Variants in NRG3 observed in about 807,000 individuals in gnomAD.
The protein encoded by NRG3 is pro-neuregulin-3, membrane-bound isoform.
NRG3 carries 31 observed loss-of-function variants against 66.9 expected under a neutral mutation model. The ratio of observed to expected loss-of-function variants is 0.46; its 90% CI spans 0.35 to 0.63. The LOEUF (loss-of-function observed/expected upper bound fraction) is 0.63. Among genes scored for constraint, NRG3 ranks in the 20% least tolerant of loss-of-function variants. The pLI is 0.00. For synonymous variants in NRG3, 393 were observed against 359.4 expected (o/e 1.09, Z -1.06); for missense variants, 910 against 878.9 (o/e 1.04, Z -0.45).
intron 2 of NRG3, among the ~76,000 whole-genome samples, chr10:82,395,926 G>T (rs2086686424): frequency 6.6e-6 from 1 of 152,084 alleles, no homozygotes; most frequent in Non-Finnish European, 1.5e-5. Flanking sequence ...AAAATAGAAA[G>T]ACTAATATTT....
intron 2 of NRG3, among the ~76,000 whole-genome samples, chr10:82,544,902 C>A (rs77495974): frequency 3.3e-4 from 50 of 152,190 alleles, no homozygotes; most frequent in African/African-American, 1.2e-3. Context: ...ATATTACTTT[C>A]GTACCTACCA....
At chr10:82,388,399 A>G (rs1304288890) in intron 2 of NRG3, among the ~76,000 whole-genome samples, 2 of 152,206 alleles carry the variant, frequency 1.3e-5, no homozygotes, top group African/African-American at 4.8e-5. Context: ...TACATCTGAG[A>G]AACTAGAAGT....
chr10:82,386,738 T>C (rs1206873082), intron 2 of NRG3, among the ~76,000 whole-genome samples: 1 of 152,182 alleles, frequency 6.6e-6, no homozygotes, highest in African/African-American at 2.4e-5. Context: ...TTGGAGGCTG[T>C]TATTCTAAAC....
intron 2 of NRG3, among the ~76,000 whole-genome samples, chr10:82,607,453 T>C (rs2048036373): frequency 6.6e-6 from 1 of 151,842 alleles, no homozygotes; most frequent in Non-Finnish European, 1.5e-5. Flanking sequence ...TCCATTCTTT[T>C]ACTTTTACTC....
intron 1 of NRG3, among the ~76,000 whole-genome samples, chr10:82,077,155 C>T (rs2133375890): frequency 6.6e-6 from 1 of 152,322 alleles, no homozygotes; most frequent in East Asian, 1.9e-4. Context: ...CATGAACACA[C>T]ATCAGCCATT....
At chr10:81,937,298 T>C (rs1847965307) in intron 1 of NRG3, among the ~76,000 whole-genome samples, 1 of 152,142 alleles carries the variant, frequency 6.6e-6, no homozygotes, top group Admixed American at 6.6e-5. Flanking sequence ...TACTCAGGAA[T>C]GGGATAGCTA....
intron 1 of NRG3, among the ~76,000 whole-genome samples, chr10:82,267,569 C>T (rs2078364034): frequency 6.6e-6 from 1 of 152,168 alleles, no homozygotes; most frequent in Non-Finnish European, 1.5e-5. Flanking sequence ...TCATTCTAAG[C>T]CTCTGCAGAC....
chr10:82,284,928 A>G (rs1185521686), intron 1 of NRG3, among the ~76,000 whole-genome samples: 1 of 152,124 alleles, frequency 6.6e-6, no homozygotes, highest in Non-Finnish European at 1.5e-5. Context: ...AGACAGAAAA[A>G]CATTACGTTT....
intron 1 of NRG3, among the ~76,000 whole-genome samples, chr10:82,303,118 A>G (rs976490711): frequency 1.3e-5 from 2 of 152,126 alleles, no homozygotes; most frequent in Non-Finnish European, 2.9e-5. Context: ...AAATACTTTC[A>G]AGGCTGTTTC....
At chr10:82,824,842 A>G (rs1273756200) in intron 3 of NRG3, among the ~76,000 whole-genome samples, 1 of 151,530 alleles carries the variant, frequency 6.6e-6, no homozygotes, top group Non-Finnish European at 1.5e-5. Flanking sequence ...TCAGCCTCCC[A>G]AGTAGTTGGG....
At chr10:82,965,464 T>A (rs1032943406) in intron 6 of NRG3, among the ~76,000 whole-genome samples, 6 of 152,206 alleles carry the variant, frequency 3.9e-5, no homozygotes, top group Non-Finnish European at 8.8e-5. Context: ...GGCTGGGCAC[T>A]GTGGTTCACA....
intron 2 of NRG3, among the ~76,000 whole-genome samples, chr10:82,648,819 G>T (rs925507386): frequency 6.6e-6 from 1 of 152,132 alleles, no homozygotes; most frequent in Non-Finnish European, 1.5e-5. Context: ...TCTGTTACTG[G>T]TGTATGAGAA....
chr10:82,441,062 G>T (rs2090409267), intron 2 of NRG3, among the ~76,000 whole-genome samples: 1 of 152,140 alleles, frequency 6.6e-6, no homozygotes, highest in Non-Finnish European at 1.5e-5. Context: ...ATTTCCTTTG[G>T]CATTGCAGAT....
intron 1 of NRG3, among the ~76,000 whole-genome samples, chr10:82,159,217 G>A (rs2071398739): frequency 6.6e-6 from 1 of 151,888 alleles, no homozygotes; most frequent in African/African-American, 2.4e-5. Flanking sequence ...GTATATGCAA[G>A]TAACTAAGTT....
chr10:82,957,043 G>A (rs1850116446), intron 5 of NRG3, among the ~76,000 whole-genome samples: 3 of 152,010 alleles, frequency 2.0e-5, no homozygotes, highest in Non-Finnish European at 4.4e-5. Context: ...AGCAAGTGCT[G>A]GTGAATTGCT....
chr10:82,226,229 G>A (rs1766366845), intron 1 of NRG3, among the ~76,000 whole-genome samples: 1 of 152,056 alleles, frequency 6.6e-6, no homozygotes, highest in Non-Finnish European at 1.5e-5. Flanking sequence ...TCCTCTTTGA[G>A]ACCAGTTTTC....
At chr10:82,451,121 TAAAC>T (rs1482450626) in intron 2 of NRG3, among the ~76,000 whole-genome samples, 2 of 152,192 alleles carry the variant, frequency 1.3e-5, no homozygotes, top group Non-Finnish European at 1.5e-5. Context: ...CTAGGTGCTG[TAAAC>T]AATTCAACTT....
chr10:82,739,262 TA>T (rs1266413751), intron 3 of NRG3, among the ~76,000 whole-genome samples: 1 of 152,234 alleles, frequency 6.6e-6, no homozygotes, highest in Non-Finnish European at 1.5e-5. Flanking sequence ...TGTATGGTAG[TA>T]AAAGTAACCT....
chr10:82,174,989 T>C (rs188025590), intron 1 of NRG3, among the ~76,000 whole-genome samples: 5 of 152,306 alleles, frequency 3.3e-5, no homozygotes, highest in Admixed American at 3.3e-4. Flanking sequence ...CCTCTCTTTT[T>C]TAAAAAAATT....
Sources: gnomAD v4.1 joint callset for allele counts (sites outside exome capture counted in the v4.1 genomes callset) on GRCh38, gnomAD v4.1.1 for gene constraint, MANE v1.5 for transcripts, NCBI Gene and HGNC (gene_info 2026-07-23, HGNC 2026-07-21) for gene names.